CAPZB: variants seen among roughly 807,000 people sequenced by gnomAD.
The protein encoded by CAPZB is capping actin protein of muscle Z-line subunit beta.
Under a neutral mutation model 38.1 loss-of-function variants are expected in CAPZB, and 2 were observed. The ratio of observed to expected loss-of-function variants is 0.05; its 90% CI spans 0.02 to 0.17. CAPZB has a LOEUF of 0.17. Among genes scored for constraint, CAPZB ranks in the 10% least tolerant of loss-of-function variants. The pLI is 1.00. For synonymous variants in CAPZB, 107 were observed against 127.4 expected, an observed-to-expected ratio of 0.84 and a Z score of 1.08; for missense variants, 161 against 334.2, an observed-to-expected ratio of 0.48 and a Z score of 4.04.
intron 1 of CAPZB, among the ~76,000 whole-genome samples, chr1:19,437,999 A>G (rs1380087532): frequency 6.6e-6 from 1 of 152,128 alleles, no homozygotes; most frequent in Non-Finnish European, 1.5e-5. Flanking sequence ...TCGTATTTGG[A>G]TGGCCTACGA....
At chr1:19,428,754 T>C (rs1406635849) in intron 1 of CAPZB, among the ~76,000 whole-genome samples, 2 of 152,072 alleles carry the variant, frequency 1.3e-5, no homozygotes, top group Non-Finnish European at 2.9e-5. Context: ...CCCGAGCCCT[T>C]CTCCCCCGTG....
intron 1 of CAPZB, among the ~76,000 whole-genome samples, chr1:19,463,481 T>C (rs945123358): frequency 3.3e-5 from 5 of 152,222 alleles, no homozygotes; most frequent in African/African-American, 1.2e-4. Context: ...ACAGTTAAAT[T>C]TTGGCATCAG....
intron 1 of CAPZB, among the ~76,000 whole-genome samples, chr1:19,474,364 G>A (rs1384713563): frequency 6.6e-6 from 1 of 152,124 alleles, no homozygotes; most frequent in African/African-American, 2.4e-5. Flanking sequence ...CCATTTTGCT[G>A]CTCAGGAAGT....
chr1:19,388,419 A>G (rs2094214978), intron 2 of CAPZB, among the ~76,000 whole-genome samples: 1 of 151,894 alleles, frequency 6.6e-6, no homozygotes. Context: ...GGAAAGGAGG[A>G]GTTTTACAAC....
At chr1:19,466,179 T>A (rs558679055) in intron 1 of CAPZB, among the ~76,000 whole-genome samples, 4 of 152,086 alleles carry the variant, frequency 2.6e-5, no homozygotes, top group Non-Finnish European at 5.9e-5. Flanking sequence ...CAGAGGTGAA[T>A]CTGTGCTCCT....
chr1:19,406,549 G>C (rs900527483), intron 2 of CAPZB, among the ~76,000 whole-genome samples: 4 of 152,170 alleles, frequency 2.6e-5, no homozygotes, highest in African/African-American at 9.7e-5. Flanking sequence ...GTGACAAGGA[G>C]AAAGCTACTC....
Position 19,464,737 on chromosome 1 carries a change from C to T in CAPZB, c.3+20699G>A, listed in dbSNP as rs12024975. On this transcript the variant is annotated intron_variant, in intron 1 of 8. Transcript: ENST00000264202. ...CAAGAAAAGGAAATATTAATACATGCAACATGAATGAATCAAATAAATCAT... is the reference window on the plus strand; with the variant it reads ...CAAGAAAAGGAAATATTAATACATGTAACATGAATGAATCAAATAAATCAT... 0.013 allele frequency among the ~76,000 whole-genome samples: 1,956 copies of T among 152,278 alleles called. 81 individuals carry two copies. The East Asian group carries it at 0.15, about 11-fold the overall frequency.
chr1:19,409,012 C>G (rs1053878311), intron 2 of CAPZB, among the ~76,000 whole-genome samples: 2 of 152,190 alleles, frequency 1.3e-5, no homozygotes, highest in Non-Finnish European at 2.9e-5. Flanking sequence ...GCTAATATCA[C>G]ACTTAGGGCC....
intron 4 of CAPZB, among the ~76,000 whole-genome samples, chr1:19,359,461 A>G (rs2094041068): frequency 6.6e-6 from 1 of 152,118 alleles, no homozygotes; most frequent in African/African-American, 2.4e-5. Flanking sequence ...CCCCCTGCCC[A>G]GGGCTCCCTC....
At position 19,390,757 on chromosome 1, in the gene CAPZB, G is replaced by A. The variant is rs2094229506; in HGVS notation, c.94-5131C>T. Among the ~76,000 whole-genome samples the A allele has an allele frequency of 2.0e-5, 3 of 152,316 alleles. No individual in the cohort carries two copies. The South Asian group carries it at 6.2e-4, about 32-fold the overall frequency. On this transcript the variant is annotated intron_variant, in intron 2 of 8. Transcript: ENST00000264202. Reference sequence around the variant, plus strand: ...CCCAGAAGGTAGAAGGTAAGGGAGAGACTAGGATGCCATTGGCAACGGCCT... The same window carrying A: ...CCCAGAAGGTAGAAGGTAAGGGAGAAACTAGGATGCCATTGGCAACGGCCT...
intron 1 of CAPZB, among the ~76,000 whole-genome samples, chr1:19,433,859 T>C (rs1056273283): frequency 2.0e-5 from 3 of 152,144 alleles, no homozygotes; most frequent in Admixed American, 6.6e-5. Flanking sequence ...GCCTTCCCCA[T>C]CCAGCTCAAG....
intron 2 of CAPZB, among the ~76,000 whole-genome samples, chr1:19,410,594 T>C (rs1382503772): frequency 1.3e-5 from 2 of 152,172 alleles, no homozygotes; most frequent in Admixed American, 6.5e-5. Context: ...GCGGCTCCTC[T>C]GCTGGTCAAG....
intron 1 of CAPZB, among the ~76,000 whole-genome samples, chr1:19,464,183 T>G: frequency 1.4e-5 from 2 of 139,748 alleles, no homozygotes; most frequent in African/African-American, 2.7e-5. Flanking sequence ...CAAGACTCTG[T>G]CGAAAAAGGG....
At chr1:19,387,065 T>G (rs989711369) in intron 2 of CAPZB, among the ~76,000 whole-genome samples, 1 of 117,192 alleles carries the variant, frequency 8.5e-6, no homozygotes, top group Non-Finnish European at 1.8e-5. Flanking sequence ...GTGCCTGCCA[T>G]GCACCACGCA....
At chr1:19,456,884 C>T (rs1258239104) in intron 1 of CAPZB, among the ~76,000 whole-genome samples, 1 of 152,176 alleles carries the variant, frequency 6.6e-6, no homozygotes, top group Non-Finnish European at 1.5e-5. Flanking sequence ...CTGTATTCCT[C>T]CAGGACAGAA....
At chr1:19,444,614 G>T (rs998107546) in intron 1 of CAPZB, among the ~76,000 whole-genome samples, 1 of 152,172 alleles carries the variant, frequency 6.6e-6, no homozygotes, top group African/African-American at 2.4e-5. Flanking sequence ...CCTCATGCCT[G>T]AAACTGACAC....
At chr1:19,423,513 ATT>A (rs2094409575) in intron 1 of CAPZB, among the ~76,000 whole-genome samples, 1 of 95,682 alleles carries the variant, frequency 1.0e-5, no homozygotes, top group Admixed American at 1.5e-4. Flanking sequence ...AATAGTGAAC[ATT>A]CTTTTTTTTT....
chr1:19,370,311 A>C (rs1042577702), intron 4 of CAPZB, among the ~76,000 whole-genome samples: 1 of 152,206 alleles, frequency 6.6e-6, no homozygotes, highest in Non-Finnish European at 1.5e-5. Flanking sequence ...ATTCGCTACA[A>C]GGACTCACGG....
chr1:19,385,696 A>G, intron 2 of CAPZB, 70 bp from the exon 3 acceptor site: 1 of 1,589,012 alleles, frequency 6.3e-7, no homozygotes, highest in Non-Finnish European at 8.6e-7. Context: ...GGCTAACAAT[A>G]CTGCAGCCAT....
Sources: allele counts gnomAD v4.1 joint callset (sites outside exome capture counted in the v4.1 genomes callset), GRCh38; gene constraint gnomAD v4.1.1; transcripts MANE v1.5; gene names NCBI Gene and HGNC (gene_info 2026-07-23, HGNC 2026-07-21).